PDCL2: variants seen among roughly 807,000 people sequenced by gnomAD.
PDCL2 encodes phosducin like 2.
PDCL2 carries 23 observed loss-of-function variants against 30.3 expected under a neutral mutation model. That is an observed-to-expected ratio of 0.76 (90% CI 0.55 to 1.08). The LOEUF is 1.08. PDCL2 is among the 50% of genes least tolerant of loss of function. The probability of loss-of-function intolerance (pLI) is 0.00; values close to 1 mark genes in which losing one functional copy is unlikely to be tolerated. For synonymous variants in PDCL2, 68 were observed against 86.2 expected, an observed-to-expected ratio of 0.79 and a Z score of 1.17; for missense variants, 243 against 282.3, an observed-to-expected ratio of 0.86 and a Z score of 1.00.
chr4:55,571,957 G>T (rs1732437936), intron 3 of PDCL2, among the ~76,000 whole-genome samples: 1 of 151,900 alleles, frequency 6.6e-6, no homozygotes, highest in Non-Finnish European at 1.5e-5. Flanking sequence ...CCCGCAATTT[G>T]ATCTTACTGG....
At chr4:55,578,422 C>T (rs909976044) in intron 3 of PDCL2, among the ~76,000 whole-genome samples, 5 of 152,184 alleles carry the variant, frequency 3.3e-5, no homozygotes, top group African/African-American at 7.2e-5. Flanking sequence ...TCAACTGATA[C>T]TGCCATTTAC....
intron 1 of PDCL2, among the ~76,000 whole-genome samples, chr4:55,585,293 C>T (rs905206356): frequency 6.6e-6 from 1 of 152,086 alleles, no homozygotes. Flanking sequence ...TTTAGCAGGC[C>T]GAGGTGGGTA....
intron 4 of PDCL2, among the ~76,000 whole-genome samples, chr4:55,563,293 C>A (rs73819647): frequency 0.043 from 6,545 of 152,286 alleles, 448 homozygotes; most frequent in African/African-American, 0.15. Flanking sequence ...TTCCTTCCAC[C>A]TCCCTTGGGA....
intron 5 of PDCL2, among the ~76,000 whole-genome samples, chr4:55,557,834 G>A (rs1732012137): frequency 6.6e-6 from 1 of 151,848 alleles, no homozygotes; most frequent in South Asian, 2.1e-4. Flanking sequence ...GGCCGAGCGT[G>A]GTGGCTCACA....
chr4:55,579,049 T>G (rs891491222), intron 3 of PDCL2, among the ~76,000 whole-genome samples: 1 of 152,226 alleles, frequency 6.6e-6, no homozygotes, highest in Non-Finnish European at 1.5e-5. Flanking sequence ...TATTTATTTA[T>G]ATCACTATGG....
chr4:55,574,434 C>A (rs1454423584), intron 3 of PDCL2, among the ~76,000 whole-genome samples: 1 of 152,142 alleles, frequency 6.6e-6, no homozygotes, highest in African/African-American at 2.4e-5. Flanking sequence ...TGACTCACCC[C>A]TAAAATGTCC....
chr4:55,581,925 T>A (rs1732724347), intron 2 of PDCL2, among the ~76,000 whole-genome samples, 192 bp downstream of exon 2: 1 of 152,186 alleles, frequency 6.6e-6, no homozygotes, highest in Admixed American at 6.5e-5. Context: ...GCCAGGATGG[T>A]CTCGATCTCC....
chr4:55,582,703 C>G (rs1422660016), intron 1 of PDCL2, among the ~76,000 whole-genome samples: 1 of 151,782 alleles, frequency 6.6e-6, no homozygotes, highest in East Asian at 1.9e-4. Context: ...GTGTGCTGCA[C>G]CCATTAACTC....
Position 55,592,212 on chromosome 4 carries a change from C to A in PDCL2, c.-103G>T, listed in dbSNP as rs1488727198. 2.0e-6 allele frequency: 3 copies of A among 1,531,370 alleles called. No individual in the cohort carries two copies. The highest frequency in any genetic ancestry group is 2.7e-6 in the Non-Finnish European group (3 of 1,131,166). The allele number at this position is 1,531,370 out of a possible 1,614,324, so 94.9% of individuals were successfully genotyped here. On this transcript the variant is annotated 5_prime_UTR_variant, in exon 1 of 6. Coordinates refer to ENST00000295645, the MANE Select transcript of PDCL2 (RefSeq NM_152401.3). ...CTCCAGGCTGGAAGAGCGCCCGCTT[C>A]AGGCCCGGCGGTTTCGAGTGACCGC...
intron 1 of PDCL2, among the ~76,000 whole-genome samples, chr4:55,589,428 T>C (rs1032219320): frequency 1.1e-4 from 17 of 152,230 alleles, no homozygotes; most frequent in African/African-American, 4.1e-4. Flanking sequence ...CAGTTTAAGG[T>C]TGCTGGACCA....
At chr4:55,579,959 T>C (rs1732670227) in intron 3 of PDCL2, among the ~76,000 whole-genome samples, 1 of 152,130 alleles carries the variant, frequency 6.6e-6, no homozygotes, top group Non-Finnish European at 1.5e-5. Context: ...GCGATTCTCC[T>C]GCCTCAGCCT....
chr4:55,586,580 A>T (rs950840949), intron 1 of PDCL2, among the ~76,000 whole-genome samples: 1 of 152,214 alleles, frequency 6.6e-6, no homozygotes, highest in Non-Finnish European at 1.5e-5. Flanking sequence ...TCATCCATCA[A>T]TGGACATTTG....
intron 3 of PDCL2, among the ~76,000 whole-genome samples, chr4:55,577,427 G>A (rs1454412949): frequency 6.6e-6 from 1 of 152,170 alleles, no homozygotes; most frequent in Admixed American, 6.5e-5. Context: ...GGCCACTGGT[G>A]ATTAACTCAA....
intron 1 of PDCL2, among the ~76,000 whole-genome samples, chr4:55,588,639 T>G (rs193111437): frequency 6.6e-6 from 1 of 152,306 alleles, no homozygotes; most frequent in Non-Finnish European, 1.5e-5. Flanking sequence ...GAAACCTGTT[T>G]CAGATATTTC....
intron 5 of PDCL2, among the ~76,000 whole-genome samples, chr4:55,558,850 T>C (rs1345508752): frequency 6.6e-6 from 1 of 152,144 alleles, no homozygotes; most frequent in Non-Finnish European, 1.5e-5. Context: ...ACTATAAAAA[T>C]AGTATCCAGA....
intron 3 of PDCL2, among the ~76,000 whole-genome samples, chr4:55,574,621 AC>A (rs2110161183): frequency 6.6e-6 from 1 of 152,276 alleles, no homozygotes; most frequent in South Asian, 2.1e-4. Context: ...TAATTCAAAA[AC>A]ATTTTCATCA....
At chr4:55,562,369 C>T (rs967513278) in intron 5 of PDCL2, 35 bp downstream of exon 5, 8 of 1,318,092 alleles carry the variant, frequency 6.1e-6, no homozygotes, top group Non-Finnish European at 8.0e-6. Flanking sequence ...GATGTTTTCA[C>T]CTATCATTTT....
chr4:55,579,323 T>TTTTGTTTG (rs561786135), intron 3 of PDCL2, among the ~76,000 whole-genome samples: 2 of 152,200 alleles, frequency 1.3e-5, no homozygotes, highest in African/African-American at 2.4e-5. Flanking sequence ...TTTATTTGTT[T>TTTTGTTTG]TTTGTTTGTT....
chr4:55,558,278 C>T (rs376128133), intron 5 of PDCL2, among the ~76,000 whole-genome samples: 1 of 152,094 alleles, frequency 6.6e-6, no homozygotes, highest in East Asian at 1.9e-4. Context: ...ATAATCCCCA[C>T]GTGTTGTGGG....
Sources: gnomAD v4.1 joint callset for allele counts (sites outside exome capture counted in the v4.1 genomes callset) on GRCh38, gnomAD v4.1.1 for gene constraint, MANE v1.5 for transcripts, NCBI Gene and HGNC (gene_info 2026-07-23, HGNC 2026-07-21) for gene names.